LTBP1: variants seen among roughly 807,000 people sequenced by gnomAD.
The protein encoded by LTBP1 is latent-transforming growth factor beta-binding protein 1.
LTBP1 carries 129 observed loss-of-function variants against 207.6 expected under a neutral mutation model. The ratio of observed to expected loss-of-function variants is 0.62; its 90% CI spans 0.54 to 0.72. LTBP1 has a LOEUF of 0.72. Among genes scored for constraint, LTBP1 ranks in the 30% least tolerant of loss-of-function variants. The pLI, the probability that LTBP1 is intolerant of heterozygous loss-of-function variation, is 0.00. For missense variants in LTBP1, 2,281 were observed against 2,217.2 expected (o/e 1.03, Z -0.58); for synonymous variants, 963 against 833.7 (o/e 1.16, Z -2.67).
intron 3 of LTBP1, among the ~76,000 whole-genome samples, chr2:33,080,201 A>G (rs1013396102): frequency 1.3e-5 from 2 of 151,738 alleles, no homozygotes; most frequent in African/African-American, 2.4e-5. Context: ...TAATTTTTCT[A>G]TGTTTAGTTG....
At chr2:33,197,707 T>C (rs918635494) in intron 7 of LTBP1, among the ~76,000 whole-genome samples, 2 of 152,208 alleles carry the variant, frequency 1.3e-5, no homozygotes, top group African/African-American at 4.8e-5. Flanking sequence ...TGTAGTGACC[T>C]AGTTATGCCA....
intron 4 of LTBP1, among the ~76,000 whole-genome samples, chr2:33,113,105 G>A (rs1394105607): frequency 6.6e-6 from 1 of 152,162 alleles, no homozygotes; most frequent in Non-Finnish European, 1.5e-5. Context: ...CATTACTTTT[G>A]AGAAGCTATG....
At position 33,399,509 on chromosome 2, in the gene LTBP1, A is replaced by G. The variant is rs981816520; in HGVS notation, c.*964A>G. ...TTTGTTAGATCTTGTTATGGGCTAA[A>G]TTGTTTCCCCTAACATTCATATGTG... On this transcript the variant is annotated 3_prime_UTR_variant, in exon 34 of 34. Transcript: ENST00000404816. The G allele has an allele frequency of 6.6e-6, 1 of 152,186 alleles. No individual in the cohort carries two copies. Among genetic ancestry groups the G allele is most frequent in the Non-Finnish European group, 1.5e-5 (1 of 68,036 alleles). 9.4% of individuals were successfully genotyped at this position (152,186 alleles called of 1,614,324 possible).
intron 8 of LTBP1, among the ~76,000 whole-genome samples, chr2:33,221,044 C>T (rs1257526681): frequency 6.6e-6 from 1 of 152,144 alleles, no homozygotes; most frequent in East Asian, 1.9e-4. Context: ...CCCTTTTACT[C>T]CTCTTTCAAG....
chr2:33,297,951 T>G (rs1370796739), intron 20 of LTBP1, among the ~76,000 whole-genome samples: 3 of 152,252 alleles, frequency 2.0e-5, no homozygotes, highest in East Asian at 3.9e-4. Context: ...TTTTCCCCAC[T>G]CTGGATCCAT....
intron 32 of LTBP1, among the ~76,000 whole-genome samples, chr2:33,396,214 T>A (rs180730385): frequency 4.3e-4 from 65 of 151,944 alleles, no homozygotes; most frequent in Non-Finnish European, 8.1e-4. Flanking sequence ...TTTTGTTTTG[T>A]TTTTTGGTTT....
At chr2:33,284,908 G>A in intron 19 of LTBP1, among the ~76,000 whole-genome samples, 1 of 152,006 alleles carries the variant, frequency 6.6e-6, no homozygotes, top group Admixed American at 6.6e-5. Context: ...TCTGACATAT[G>A]GTGGAACCCC....
At chr2:33,174,697 A>C (rs1261792045) in intron 5 of LTBP1, among the ~76,000 whole-genome samples, 3 of 152,216 alleles carry the variant, frequency 2.0e-5, no homozygotes, top group African/African-American at 7.2e-5. Flanking sequence ...CCGCATCGCA[A>C]AGTGAATCCT....
At chr2:33,272,849 C>T (rs1178052301) in intron 15 of LTBP1, among the ~76,000 whole-genome samples, 1 of 152,066 alleles carries the variant, frequency 6.6e-6, no homozygotes, top group African/African-American at 2.4e-5. Flanking sequence ...AGAAGGCCCC[C>T]TTTGAGTCCT....
intron 2 of LTBP1, among the ~76,000 whole-genome samples, chr2:32,959,549 A>ATGTGTG (rs10649487): frequency 0.27 from 33,148 of 124,818 alleles, 4,745 homozygotes; most frequent in South Asian, 0.32. Context: ...CTGTATATAT[A>ATGTGTG]TGTGTGTGTG....
At chr2:33,313,894 G>A (rs3820913) in intron 23 of LTBP1, among the ~76,000 whole-genome samples, 40,394 of 152,040 alleles carry the variant, frequency 0.27, 5,553 homozygotes, top group East Asian at 0.38. Flanking sequence ...TTAGGCAGTT[G>A]CATGTATCAG....
At chr2:33,126,715 A>G (rs2081457402) in intron 4 of LTBP1, among the ~76,000 whole-genome samples, 2 of 152,336 alleles carry the variant, frequency 1.3e-5, no homozygotes, top group South Asian at 4.1e-4. Flanking sequence ...TTGAGGCTGA[A>G]ATCTTTCCTA....
intron 22 of LTBP1, among the ~76,000 whole-genome samples, chr2:33,303,381 C>G (rs184306093): frequency 1.4e-5 from 2 of 146,288 alleles, no homozygotes; most frequent in Non-Finnish European, 3.0e-5. Context: ...GACGGAATCT[C>G]GCTCTGTCAC....
At chr2:33,219,872 T>A (rs2090984839) in intron 8 of LTBP1, among the ~76,000 whole-genome samples, 1 of 152,156 alleles carries the variant, frequency 6.6e-6, no homozygotes, top group South Asian at 2.1e-4. Flanking sequence ...TTTTTTTTAA[T>A]CCCTAACTTC....
intron 10 of LTBP1, 67 bp downstream of exon 10, chr2:33,243,851 G>A (rs1464824996): frequency 4.5e-6 from 7 of 1,570,234 alleles, no homozygotes. Flanking sequence ...CAAAAGAACG[G>A]AAATACTCAG....
chr2:32,947,714 G>C lies in LTBP1; in HGVS notation c.390G>C (p.Pro130=), dbSNP rs1023709343. ...PNPGGHPAAA[P]FTKQGRQVVR... ...CCGGCGGCCACCCGGCAGCCGCCCC[G>C]TTCACCAAACAAGGCAGGCAAGTTG... The change falls in exon 1 of 34, where the codon CCG becomes CCC. Residue 130 remains proline (P), a synonymous_variant. Transcript: ENST00000404816. 1.3e-6 allele frequency: 2 copies of C among 1,533,044 alleles called. No homozygotes were observed. Among genetic ancestry groups the C allele is most frequent in the Admixed American group, 4.0e-5 (2 of 50,242 alleles). 95.0% of individuals were successfully genotyped at this position (1,533,044 alleles called of 1,614,324 possible). A position where few individuals can be genotyped will look rare whatever the true frequency, so the allele number is the denominator to read the frequency against.
At chr2:33,196,997 C>T (rs563365834) in intron 7 of LTBP1, among the ~76,000 whole-genome samples, 141 of 152,266 alleles carry the variant, frequency 9.3e-4, no homozygotes, top group African/African-American at 3.2e-3. Flanking sequence ...GTTTTCTCAC[C>T]TTGACAGAGA....
At chr2:33,291,256 C>T (rs1237930277) in intron 19 of LTBP1, among the ~76,000 whole-genome samples, 2 of 152,202 alleles carry the variant, frequency 1.3e-5, no homozygotes, top group East Asian at 3.8e-4. Context: ...TGGTAATCTG[C>T]AGTGTCTGTT....
intron 2 of LTBP1, among the ~76,000 whole-genome samples, chr2:32,995,557 G>A (rs1255884419): frequency 2.0e-5 from 3 of 152,130 alleles, no homozygotes; most frequent in Non-Finnish European, 4.4e-5. Context: ...CGAGGCAGGC[G>A]GATCACGAGG....
Sources: allele counts gnomAD v4.1 joint callset (sites outside exome capture counted in the v4.1 genomes callset), GRCh38; gene constraint gnomAD v4.1.1; transcripts MANE v1.5; gene names NCBI Gene and HGNC (gene_info 2026-07-23, HGNC 2026-07-21).